Variants in SEC14L3 observed in about 807,000 individuals in gnomAD.
SEC14L3 encodes SEC14-like protein 3.
Under a neutral mutation model 57.4 loss-of-function variants are expected in SEC14L3, and 56 were observed. The observed-to-expected ratio is 0.97, with a 90% CI of 0.79 to 1.22. The LOEUF (loss-of-function observed/expected upper bound fraction) is 1.22. SEC14L3 is among the 50% of genes most tolerant of loss of function. The pLI is 0.00. For missense variants in SEC14L3, 485 were observed against 511.7 expected (o/e 0.95, Z 0.50); for synonymous variants, 173 against 194.4 (o/e 0.89, Z 0.92).
At position 30,471,972 on chromosome 22, in the gene SEC14L3, G is replaced by A. The variant is rs766331518; in HGVS notation, c.-14C>T. The A allele has an allele frequency of 4.4e-6, 7 of 1,597,524 alleles. No homozygotes were observed. Among genetic ancestry groups the A allele is most frequent in the East Asian group, 4.6e-5 (2 of 43,498 alleles). On this transcript the variant is annotated 5_prime_UTR_variant, in exon 1 of 12. Coordinates refer to ENST00000215812, the MANE Select transcript of SEC14L3 (RefSeq NM_174975.5). ...TCGGCCGCTCATGGTGCTGGCTGGG[G>A]CTTGAGGAGTGGTGGCCACTATAGG...
At chr22:30,454,580 A>AATAATATTATATATAATCT (rs1935051148), downstream of SEC14L3, among the ~76,000 whole-genome samples, 1 of 103,682 alleles carries the variant, frequency 9.6e-6, no homozygotes, top group African/African-American at 4.3e-5. Flanking sequence ...TATAATCTAT[A>AATAATATTATATATAATCT]ATAATATTAT....
intron 5 of SEC14L3, among the ~76,000 whole-genome samples, chr22:30,467,647 G>A (rs1347283079): frequency 6.6e-6 from 1 of 152,142 alleles, no homozygotes; most frequent in East Asian, 1.9e-4. Flanking sequence ...ACTCAGAGAA[G>A]GTAACATCTA....
At chr22:30,456,841 G>A (rs377372591), downstream of SEC14L3, among the ~76,000 whole-genome samples, 1 of 152,332 alleles carries the variant, frequency 6.6e-6, no homozygotes, top group East Asian at 1.9e-4. Context: ...CTGGAGCTTG[G>A]GAAGCCTGCC....
At chr22:30,452,342 G>A (rs1935004575) in intron 12 of SEC14L3, among the ~76,000 whole-genome samples, 1 of 148,986 alleles carries the variant, frequency 6.7e-6, no homozygotes, top group South Asian at 2.1e-4. Flanking sequence ...TCCGCCTCCC[G>A]GGTTCGATTC....
At position 30,459,771 on chromosome 22, in the gene SEC14L3, A is replaced by T; in HGVS notation, c.*250T>A. ...TTCATTTTGCTATTTATTGAGTTTC[A>T]TGACACCCACTTCTTGCCTTTACCC... is the stretch of plus-strand genomic sequence containing the variant. On this transcript the variant is annotated 3_prime_UTR_variant, in exon 12 of 12. Transcript: ENST00000215812. The T allele has an allele frequency of 8.5e-7, 1 of 1,173,362 alleles. No individual in the cohort carries two copies. Among genetic ancestry groups the T allele is most frequent in the Non-Finnish European group, 1.1e-6 (1 of 944,942 alleles). The allele number at this position is 1,173,362 out of a possible 1,614,324, so 72.7% of individuals were successfully genotyped here.
Position 30,459,991 on chromosome 22 carries a change from TAGG to T in SEC14L3, c.*27_*29del. The T allele has an allele frequency of 6.2e-7, 1 of 1,612,230 alleles. No individual in the cohort carries two copies. The highest frequency in any genetic ancestry group is 8.5e-7 in the Non-Finnish European group (1 of 1,178,886). On this transcript the variant is annotated 3_prime_UTR_variant, in exon 12 of 12. Transcript: ENST00000215812. ...GATATAAACAGAGAAATCAAAGGGT[TAGG>T]AGGTCTCTGAGAAATGAGGGAGCCA...
intron 12 of SEC14L3, among the ~76,000 whole-genome samples, chr22:30,452,717 C>CT (rs71198554): frequency 0.28 from 36,390 of 131,556 alleles, 5,785 homozygotes; most frequent in Non-Finnish European, 0.37. Flanking sequence ...TTCTTTCTTT[C>CT]TTTTTTTTTT....
intron 12 of SEC14L3, among the ~76,000 whole-genome samples, chr22:30,451,209 G>A (rs112176122): frequency 3.3e-5 from 5 of 152,336 alleles, no homozygotes; most frequent in African/African-American, 9.6e-5. Context: ...GCAGATGAAC[G>A]CCACTGCACC....
At position 30,470,565 on chromosome 22, in the gene SEC14L3, C is replaced by T; in HGVS notation, c.72G>A (p.Gln24=). The change falls in exon 2 of 12, where the codon CAG becomes CAA. Residue 24 remains glutamine, a synonymous_variant. Coordinates refer to ENST00000215812, the MANE Select transcript of SEC14L3 (RefSeq NM_174975.5). The part of the protein sequence containing the change: ...ETLAKFRENV[Q]DVLPALPNPD... ...GGTTGGGCAGGGCAGGAAGCACATC[C>T]TGGACGTTTTCTCGGAACTGGCAAG... 1 of 1,614,202 alleles carries T rather than the reference C, an allele frequency of 6.2e-7. No individual in the cohort carries two copies. Among genetic ancestry groups the T allele is most frequent in the Admixed American group, 1.7e-5 (1 of 60,028 alleles).
At position 30,471,950 on chromosome 22, in the gene SEC14L3, G is replaced by A; in HGVS notation, c.9C>T (p.Gly3=). MS[G]RVGDLSPKQA... is the part of the protein sequence containing the mutation. The stretch of plus-strand genomic sequence containing the variant: ...GTTTGGGGCTCAGGTCTCCAACTCG[G>A]CCGCTCATGGTGCTGGCTGGGGCTT... The change falls in exon 1 of 12, where the codon GGC becomes GGT. Residue 3 remains glycine, a synonymous_variant. Transcript: ENST00000215812. 6.2e-7 allele frequency: 1 copy of A among 1,608,284 alleles called. No homozygotes were observed. The highest frequency in any genetic ancestry group is 2.3e-5 in the East Asian group (1 of 44,282).
rs777997997 is a variant in SEC14L3, at chr22:30,464,917, A to AT, written c.581-15_581-14insA. On this transcript the variant is annotated splice_polypyrimidine_tract_variant and intron_variant, in intron 7 of 11. Transcript: ENST00000215812. ...ACAGTTTGGTAGCTGGAGAGATAGA[A>AT]GTAAGGATAATGGGAAGAAAAGAAT... 6.2e-6 allele frequency: 10 copies of AT among 1,613,834 alleles called. No homozygotes were observed. The South Asian group carries it at 1.1e-4, about 18-fold the overall frequency.
chr22:30,447,961 T>C (rs1378731626), exon 13 of SEC14L3: 1 of 141,740 alleles, frequency 7.1e-6, no homozygotes, highest in Non-Finnish European at 1.5e-5. Flanking sequence ...TTTTTTTTCA[T>C]GATGGCTGCC....
At chr22:30,453,670 C>G (rs1935029473) in intron 12 of SEC14L3, among the ~76,000 whole-genome samples, 1 of 152,250 alleles carries the variant, frequency 6.6e-6, no homozygotes, top group Non-Finnish European at 1.5e-5. Context: ...ACCTCGGCCT[C>G]CCGAAGTGCT....
intron 11 of SEC14L3, 193 bp from the exon 12 acceptor site, chr22:30,460,335 T>A: frequency 1.1e-6 from 1 of 930,800 alleles, no homozygotes; most frequent in Non-Finnish European, 1.3e-6. Context: ...GACACCAACC[T>A]CCTCTTGGCA....
chr22:30,449,426 A>G (rs1167256636), intron 12 of SEC14L3, among the ~76,000 whole-genome samples: 1 of 152,172 alleles, frequency 6.6e-6, no homozygotes, highest in East Asian at 1.9e-4. Flanking sequence ...TTTTTCATGC[A>G]TAAAAGGTAT....
At chr22:30,469,353 T>A (rs1374383134) in intron 4 of SEC14L3, among the ~76,000 whole-genome samples, 1 of 151,954 alleles carries the variant, frequency 6.6e-6, no homozygotes, top group Non-Finnish European at 1.5e-5. Flanking sequence ...CTGTACTGTG[T>A]GTCCTTGAGC....
chr22:30,450,483 A>C (rs1601806116), intron 12 of SEC14L3, among the ~76,000 whole-genome samples: 1 of 152,198 alleles, frequency 6.6e-6, no homozygotes, highest in East Asian at 1.9e-4. Context: ...GTATATTTTT[A>C]GTAGAGACAG....
chr22:30,455,007 GTATAA>G (rs1270893740), downstream of SEC14L3, among the ~76,000 whole-genome samples: 4 of 66,212 alleles, frequency 6.0e-5, no homozygotes, highest in Admixed American at 2.8e-4. Flanking sequence ...TATAATAGAT[GTATAA>G]TATATTATAT....
chr22:30,451,991 C>CAAAAAAAAAAAAAAA (rs34799395), intron 12 of SEC14L3, among the ~76,000 whole-genome samples: 3 of 33,794 alleles, frequency 8.9e-5, no homozygotes, highest in Non-Finnish European at 9.6e-5. Context: ...GACTCCATCT[C>CAAAAAAAAAAAAAAA]AAAAAAAAAA....
Sources: allele counts gnomAD v4.1 joint callset (sites outside exome capture counted in the v4.1 genomes callset), GRCh38; gene constraint gnomAD v4.1.1; transcripts MANE v1.5; gene names NCBI Gene and HGNC (gene_info 2026-07-23, HGNC 2026-07-21).